Variants in SLC7A9 observed in about 807,000 individuals in gnomAD.
SLC7A9 encodes B(0,+)-type amino acid transporter 1.
A neutral mutation model predicts 54.1 loss-of-function variants in SLC7A9; 38 were observed. That is an observed-to-expected ratio of 0.70 (90% CI 0.54 to 0.92). The LOEUF is 0.92. Among genes scored for constraint, SLC7A9 ranks in the 40% least tolerant of loss-of-function variants. The probability of loss-of-function intolerance (pLI) is 0.00; values close to 1 mark genes in which losing one functional copy is unlikely to be tolerated. For missense variants in SLC7A9, 537 were observed against 636.1 expected (o/e 0.84, Z 1.68); for synonymous variants, 264 against 258.9 (o/e 1.02, Z -0.19).
chr19:32,858,900 T>C (rs1406091955), intron 8 of SLC7A9, among the ~76,000 whole-genome samples: 1 of 151,312 alleles, frequency 6.6e-6, no homozygotes, highest in African/African-American at 2.4e-5. Flanking sequence ...GCGATGCTCG[T>C]GCCTCAGCCT....
In SLC7A9 at chr19:32,842,175, G is replaced by A. The variant is rs774827057; in HGVS notation, c.1217C>T (p.Pro406Leu). The A allele has an allele frequency of 9.9e-6, 16 of 1,614,162 alleles. No individual in the cohort carries two copies. The South Asian group carries it at 1.8e-4, about 18-fold the overall frequency. The change falls in exon 11 of 13, where the codon CCT becomes CTT. Residue 406 changes from proline (P) to leucine (L), a missense_variant. Physicochemically the swap from Pro to Leu is moderately conservative, Grantham distance 98 (BLOSUM62 -3). Transcript: ENST00000023064. ...CTGGGGCTGCAAGCTTACCTTGATA[G>A]GCCTTTCCAGCTCTTTCCTTGTAAA... ...MRFTRKELER[P>L]IKVPVVIPVL...
intron 11 of SLC7A9, among the ~76,000 whole-genome samples, chr19:32,835,889 CTGTGTGTGTGTGTGTG>C (rs1212868987): frequency 5.7e-5 from 8 of 140,864 alleles, no homozygotes; most frequent in Non-Finnish European, 1.2e-4. Context: ...AATTTATGTA[CTGTGTGTGTGTGTGTG>C]TGTGTATGTG....
At chr19:32,846,088 G>A (rs2145816721) in intron 9 of SLC7A9, among the ~76,000 whole-genome samples, 1 of 152,330 alleles carries the variant, frequency 6.6e-6, no homozygotes, top group South Asian at 2.1e-4. Context: ...CTCCCAGCGT[G>A]AGCAACGCAG....
At chr19:32,836,366 A>G (rs1967960098) in intron 11 of SLC7A9, among the ~76,000 whole-genome samples, 1 of 152,108 alleles carries the variant, frequency 6.6e-6, no homozygotes, top group Non-Finnish European at 1.5e-5. Flanking sequence ...ATGTACTTTT[A>G]TCTTCTATTT....
chr19:32,858,646 C>T, intron 8 of SLC7A9, 103 bp from the exon 9 acceptor site: 1 of 843,414 alleles, frequency 1.2e-6, no homozygotes, highest in Non-Finnish European at 1.9e-6. Flanking sequence ...AGGGACCCAC[C>T]TCGCCTCGGG....
intron 11 of SLC7A9, among the ~76,000 whole-genome samples, chr19:32,833,676 T>TA (rs898194169): frequency 2.0e-5 from 3 of 151,900 alleles, no homozygotes; most frequent in African/African-American, 7.3e-5. Flanking sequence ...CAGGTGCCTG[T>TA]AATCCCAGCT....
intron 2 of SLC7A9, among the ~76,000 whole-genome samples, chr19:32,866,375 T>C (rs960969090): frequency 6.6e-6 from 1 of 152,140 alleles, no homozygotes; most frequent in African/African-American, 2.4e-5. Flanking sequence ...CTGATGTGGG[T>C]GAGGTCTGCA....
chr19:32,848,575 A>G (rs1176226176), intron 9 of SLC7A9, among the ~76,000 whole-genome samples: 1 of 152,182 alleles, frequency 6.6e-6, no homozygotes, highest in East Asian at 1.9e-4. Flanking sequence ...ACTCCCACAC[A>G]ATAATAATGG....
intron 8 of SLC7A9, 42 bp from the exon 9 acceptor site, chr19:32,858,585 C>T: frequency 6.7e-7 from 1 of 1,498,198 alleles, no homozygotes; most frequent in African/African-American, 1.4e-5. Context: ...TCTTTCTTGG[C>T]CTCCAAGAGC....
chr19:32,857,154 A>G (rs1483295798), intron 9 of SLC7A9, among the ~76,000 whole-genome samples: 1 of 151,456 alleles, frequency 6.6e-6, no homozygotes, highest in Non-Finnish European at 1.5e-5. Flanking sequence ...CATCTCAAAA[A>G]TAATATAAGG....
intron 10 of SLC7A9, 136 bp downstream of exon 10, chr19:32,843,719 T>C: frequency 1.4e-6 from 1 of 701,684 alleles, no homozygotes; most frequent in Non-Finnish European, 2.6e-6. Flanking sequence ...GTTTCACTTG[T>C]CCTGGGACTC....
rs1471554266 is a variant in SLC7A9, at chr19:32,846,761, CA to C, written c.978-2811del. On this transcript the variant is annotated intron_variant, in intron 9 of 12. Coordinates refer to ENST00000023064, the MANE Select transcript of SLC7A9 (RefSeq NM_014270.5). ...ACCCCCCAGCAGCCTAACTGGGAGG[CA>C]ACCCCCCAGTAGGGGCAGACTGACA... Among the ~76,000 whole-genome samples, 4 of 152,310 alleles carry C rather than the reference CA, an allele frequency of 2.6e-5. No individual in the cohort carries two copies. In the East Asian group the frequency reaches 5.8e-4, roughly 22 times the overall value.
chr19:32,859,920 G>A lies in SLC7A9; in HGVS notation c.794C>T (p.Ala265Val), dbSNP rs372528072. 4.5e-5 allele frequency: 72 copies of A among 1,614,162 alleles called. No individual in the cohort carries two copies. In the African/African-American group the frequency reaches 7.5e-4, roughly 17 times the overall value. ...AIIIGIPLVTACYILMNVSYF... is the reference protein window; with the variant it reads ...AIIIGIPLVTVCYILMNVSYF... ...GGACACGTTCATGAGGATGTAGCAC[G>A]CCGTCACCAGGGGGATCCCGATGAT... Residue 265 changes from alanine to valine, a missense_variant, in exon 8 of 13, where the codon GCG becomes GTG. Coordinates refer to ENST00000023064, the MANE Select transcript of SLC7A9 (RefSeq NM_014270.5).
Position 32,864,756 on chromosome 19 carries a change from G to A in SLC7A9, c.108C>T (p.Ile36=). ...CAATGATGGTGCCCACGATGATGGA[G>A]ATGCCACTGATGAGGCCCAGCTGGG... is the stretch of plus-strand genomic sequence containing the variant. ...LQKELGLISG[I]SIIVGTIIGS... Residue 36 remains isoleucine, a synonymous_variant, in exon 3 of 13, where the codon ATC becomes ATT. Transcript: ENST00000023064. 1 of 1,614,182 alleles carries A rather than the reference G, an allele frequency of 6.2e-7. No homozygotes were observed. The highest frequency in any genetic ancestry group is 1.3e-5 in the African/African-American group (1 of 75,068).
intron 8 of SLC7A9, among the ~76,000 whole-genome samples, chr19:32,858,768 C>CTATATTTATTTATTTATTTATTTA (rs373392618): frequency 8.1e-5 from 12 of 148,634 alleles, no homozygotes; most frequent in South Asian, 2.1e-4. Flanking sequence ...TGGCATAAAT[C>CTATATTTATTTATTTATTTATTTA]TTTATTTATT....
At chr19:32,844,172 G>A (rs1341476496) in intron 9 of SLC7A9, among the ~76,000 whole-genome samples, 1 of 152,170 alleles carries the variant, frequency 6.6e-6, no homozygotes, top group East Asian at 1.9e-4. Context: ...TAGGTGTGGT[G>A]GCTCACGCCT....
Position 32,862,478 on chromosome 19 carries a change from A to G in SLC7A9, c.587T>C (p.Leu196Pro), listed in dbSNP as rs369936385. 30 of 1,613,044 alleles carry G rather than the reference A, an allele frequency of 1.9e-5. No homozygotes were observed. The highest frequency in any genetic ancestry group is 2.5e-5 in the Non-Finnish European group (29 of 1,180,010). ...VIVAIIIISG[L>P]VLLAQGNTKN... ...TGGGTCACCTTGGGCCAGGAGCACC[A>G]GCCCGCTGATGATGATGATGGCCAC... Residue 196 changes from leucine (L) to proline (P), a missense_variant, in exon 5 of 13, where the codon CTG becomes CCG. Physicochemically the swap from Leu to Pro is moderately conservative, Grantham distance 98. Coordinates refer to ENST00000023064, the MANE Select transcript of SLC7A9 (RefSeq NM_014270.5).
chr19:32,832,511 G>A (rs775351249), intron 12 of SLC7A9, among the ~76,000 whole-genome samples: 29 of 151,588 alleles, frequency 1.9e-4, no homozygotes, highest in South Asian at 1.3e-3. Flanking sequence ...CGCTTGAACC[G>A]GGAGGTGGAG....
intron 12 of SLC7A9, among the ~76,000 whole-genome samples, chr19:32,831,593 T>C (rs376347908): frequency 1.6e-4 from 25 of 152,320 alleles, no homozygotes; most frequent in African/African-American, 5.8e-4. Context: ...CGGCCCGATA[T>C]AGACTTTTTT....
Sources: allele counts gnomAD v4.1 joint callset (sites outside exome capture counted in the v4.1 genomes callset), GRCh38; gene constraint gnomAD v4.1.1; transcripts MANE v1.5; gene names NCBI Gene and HGNC (gene_info 2026-07-23, HGNC 2026-07-21).